SMARCD1: variants seen among roughly 807,000 people sequenced by gnomAD.
SMARCD1 encodes the protein SWI/SNF related BAF chromatin remodeling complex subunit D1.
In SMARCD1, 16 loss-of-function variants were observed where a neutral mutation model predicts 70.8. That is an observed-to-expected ratio of 0.23 (90% CI 0.15 to 0.34). The LOEUF is 0.34. Ranked by LOEUF, SMARCD1 falls within the 10% of genes least tolerant of loss-of-function variation. The pLI, the probability that SMARCD1 is intolerant of heterozygous loss-of-function variation, is 1.00. For synonymous variants in SMARCD1, 249 were observed against 246.0 expected (o/e 1.01, Z -0.11); for missense variants, 409 against 655.5 (o/e 0.62, Z 4.11).
chr12:50,090,688 G>C, intron 9 of SMARCD1, 98 bp downstream of exon 9: 4 of 777,228 alleles, frequency 5.1e-6, no homozygotes, highest in Non-Finnish European at 9.1e-6. Flanking sequence ...CAAACAGGTT[G>C]TTAAACACAA....
At chr12:50,095,315 C>A (rs1405140070) in intron 10 of SMARCD1, among the ~76,000 whole-genome samples, 1 of 152,006 alleles carries the variant, frequency 6.6e-6, no homozygotes, top group Non-Finnish European at 1.5e-5. Flanking sequence ...AGAGTTGATG[C>A]CCCAACTAAA....
chr12:50,092,444 G>C (rs191741569), intron 9 of SMARCD1, among the ~76,000 whole-genome samples: 1 of 149,684 alleles, frequency 6.7e-6, no homozygotes, highest in Non-Finnish European at 1.5e-5. Context: ...GGATGGTCTC[G>C]ATCTCTTGGT....
At chr12:50,086,105 TTGA>T (rs1592285997) in intron 1 of SMARCD1, 53 bp from the exon 2 acceptor site, 1 of 1,322,552 alleles carries the variant, frequency 7.6e-7, no homozygotes, top group East Asian at 2.4e-5. Flanking sequence ...CTTTTCTTTC[TTGA>T]TGGGGTTTAG....
Position 50,100,129 on chromosome 12 carries a change from C to T in SMARCD1, c.*1129C>T, listed in dbSNP as rs1227990840. On this transcript the variant is annotated 3_prime_UTR_variant, in exon 13 of 13. Transcript: ENST00000394963. ...CAGCAGGACCTTGTGATCTTGGCCCCTTGGATCTGAGATGGTTTTTGCATC... is the reference window on the plus strand; with the variant it reads ...CAGCAGGACCTTGTGATCTTGGCCCTTTGGATCTGAGATGGTTTTTGCATC... 1 of 152,676 alleles carries T rather than the reference C, an allele frequency of 6.5e-6. No homozygotes were observed. The highest frequency in any genetic ancestry group is 1.5e-5 in the Non-Finnish European group (1 of 68,094). The allele number at this position is 152,676 out of a possible 1,614,324, so 9.5% of individuals were successfully genotyped here.
intron 11 of SMARCD1, among the ~76,000 whole-genome samples, chr12:50,097,407 C>T (rs1372636020): frequency 6.6e-6 from 1 of 150,924 alleles, no homozygotes; most frequent in Admixed American, 6.6e-5. Flanking sequence ...AAAAACTTAG[C>T]TGGGCGTGGT....
chr12:50,086,479 T>TGGGGGG, intron 2 of SMARCD1, 131 bp downstream of exon 2: 1 of 780,056 alleles, frequency 1.3e-6, no homozygotes, highest in Non-Finnish European at 2.0e-6. Flanking sequence ...TTGAGAATGC[T>TGGGGGG]TGGTGGTGGT....
rs1565737172 is a variant in SMARCD1, at chr12:50,085,422, C to A, written c.53C>A (p.Ala18Asp). The change falls in exon 1 of 13, where the codon GCC becomes GAC. Residue 18 changes from alanine (A) to aspartate (D), a missense_variant. Coordinates refer to ENST00000394963, the MANE Select transcript of SMARCD1 (RefSeq NM_003076.5). ...GTGGCTCCAAGCGGCGGCGCCGGAG[C>A]CTCAGGAGGGGCGGGCGCGGCTGCT... ...QSVAPSGGAG[A>D]SGGAGAAAAL... The A allele has an allele frequency of 8.8e-6, 11 of 1,251,852 alleles. No homozygotes were observed. Among genetic ancestry groups the A allele is most frequent in the Middle Eastern group, 3.1e-4 (1 of 3,272 alleles). The allele number at this position is 1,251,852 out of a possible 1,614,324, so 77.5% of individuals were successfully genotyped here. A position where few individuals can be genotyped will look rare whatever the true frequency, so the allele number is the denominator to read the frequency against.
rs756882231 is a variant in SMARCD1, at chr12:50,090,569, T to C, written c.1112T>C (p.Ile371Thr). The C allele has an allele frequency of 6.2e-7, 1 of 1,613,478 alleles. No homozygotes were observed. The highest frequency in any genetic ancestry group is 1.1e-5 in the South Asian group (1 of 91,058). The change falls in exon 9 of 13, where the codon ATC becomes ACC. Residue 371 changes from isoleucine to threonine, a missense_variant. Around this residue, in one of 2 missense-constraint regions of SMARCD1, gnomAD observed 269 missense variants for 498.6 expected, o/e 0.54. Transcript: ENST00000394963. ...GCCTTGCTTATGCCACCAGAACCTA[T>C]CATCATTAATCATGTCATCAGGTAG... ...LHALLMPPEP[I>T]IINHVISVDP...
rs568396092 is a variant in SMARCD1 at position 50,092,025 on chromosome 12, C to T, written c.1133+1435C>T. Among the ~76,000 whole-genome samples the T allele has an allele frequency of 1.5e-4, 23 of 152,270 alleles. 2 individuals carry two copies. The highest frequency in any genetic ancestry group is 1.1e-3 in the Admixed American group (17 of 15,296). On this transcript the variant is annotated intron_variant, in intron 9 of 12. Coordinates refer to ENST00000394963, the MANE Select transcript of SMARCD1 (RefSeq NM_003076.5). ...GCAGCCATCTTTTCTCTGGATGGTACAGCATTCTAGTCCGAGCCTCCCAAT... is the reference window on the plus strand; with the variant it reads ...GCAGCCATCTTTTCTCTGGATGGTATAGCATTCTAGTCCGAGCCTCCCAAT...
At chr12:50,085,577 C>T in intron 1 of SMARCD1, 31 bp downstream of exon 1, 1 of 1,147,694 alleles carries the variant, frequency 8.7e-7, no homozygotes, top group Non-Finnish European at 1.1e-6. Flanking sequence ...GGCGCGCGGG[C>T]CGGGGGCGGG....
At chr12:50,088,334 G>A in intron 5 of SMARCD1, 187 bp from the exon 6 acceptor site, 1 of 695,098 alleles carries the variant, frequency 1.4e-6, no homozygotes, top group Middle Eastern at 2.3e-4. Flanking sequence ...CTTCTTCAGG[G>A]TTCTGTTGCT....
rs983504159 is a variant in SMARCD1 at position 50,100,699 on chromosome 12, A to G, written c.*1699A>G. On this transcript the variant is annotated 3_prime_UTR_variant, in exon 13 of 13. Coordinates refer to ENST00000394963, the MANE Select transcript of SMARCD1 (RefSeq NM_003076.5). ...TCTTCCCTGAGCTCTTCTTCCTTCA[A>G]TACCATTAGCCACGCTTGTAGTGTT... 1.3e-5 allele frequency: 2 copies of G among 152,634 alleles called. No homozygotes were observed. Among genetic ancestry groups the G allele is most frequent in the East Asian group, 1.9e-4 (1 of 5,206 alleles). 9.5% of individuals were successfully genotyped at this position (152,634 alleles called of 1,614,324 possible).
intron 9 of SMARCD1, among the ~76,000 whole-genome samples, chr12:50,092,879 T>TA (rs1169914762): frequency 6.6e-6 from 1 of 151,738 alleles, no homozygotes; most frequent in African/African-American, 2.4e-5. Context: ...TCTGAAACAA[T>TA]AAAAAAAGAT....
At chr12:50,094,719 A>C (rs1950877105) in intron 10 of SMARCD1, 147 bp downstream of exon 10, 3 of 724,860 alleles carry the variant, frequency 4.1e-6, no homozygotes, top group Non-Finnish European at 6.8e-6. Context: ...AGCCAGACTC[A>C]AATGAATTCT....
rs1210798140 is a variant in SMARCD1, at chr12:50,086,688, G to A, written c.408+25G>A. 2.5e-6 allele frequency: 4 copies of A among 1,613,852 alleles called. No individual in the cohort carries two copies. In the Admixed American group the frequency reaches 6.7e-5, roughly 27 times the overall value. On this transcript the variant is annotated intron_variant, in intron 3 of 12. Transcript: ENST00000394963. ...GGTGAGTCCAGGCTATATGTCTTCT[G>A]GAAAGTGTGGTGAGTTTGAGTATAG...
rs886571864 is a variant in SMARCD1, at chr12:50,099,575, C to A, written c.*575C>A. ...CTCCACTGAGCCCCAGGTCAGTCCC[C>A]AGCCCTCTGGGTTGGCCTGCTGTCA... is the stretch of plus-strand genomic sequence containing the variant. On this transcript the variant is annotated 3_prime_UTR_variant, in exon 13 of 13. Transcript: ENST00000394963. The A allele has an allele frequency of 2.7e-6, 1 of 371,354 alleles. No homozygotes were observed. The highest frequency in any genetic ancestry group is 3.9e-5 in the East Asian group (1 of 25,684). 23.0% of individuals were successfully genotyped at this position (371,354 alleles called of 1,614,324 possible).
Position 50,100,499 on chromosome 12 carries a change from C to G in SMARCD1, c.*1499C>G, listed in dbSNP as rs757697962. ...GCCCTGGCCGCCTCCTGGCTGGAAC[C>G]ATGAGAAGGAAGCTCAGTACTTCCC... On this transcript the variant is annotated 3_prime_UTR_variant, in exon 13 of 13. Transcript: ENST00000394963. 2.6e-5 allele frequency: 4 copies of G among 152,672 alleles called. No homozygotes were observed. Among genetic ancestry groups the G allele is most frequent in the Non-Finnish European group, 5.9e-5 (4 of 68,046 alleles). The allele number at this position is 152,672 out of a possible 1,614,324, so 9.5% of individuals were successfully genotyped here.
chr12:50,094,867 G>A (rs573918469), intron 10 of SMARCD1, among the ~76,000 whole-genome samples: 6 of 152,190 alleles, frequency 3.9e-5, no homozygotes, highest in South Asian at 2.1e-4. Context: ...GTGCAATCCC[G>A]CCTCACGGCA....
intron 5 of SMARCD1, 22 bp downstream of exon 5, chr12:50,087,507 G>A (rs779666237): frequency 6.2e-7 from 1 of 1,612,188 alleles, no homozygotes; most frequent in East Asian, 2.2e-5. Context: ...GTCCACAATG[G>A]TTGGCATCTA....
Sources: allele counts gnomAD v4.1 joint callset (sites outside exome capture counted in the v4.1 genomes callset), GRCh38; gene constraint gnomAD v4.1.1; regional missense constraint gnomAD v4.1.1; transcripts MANE v1.5; gene names NCBI Gene and HGNC (gene_info 2026-07-23, HGNC 2026-07-21).